Variants in PDE11A observed in about 807,000 individuals in gnomAD.
The protein encoded by PDE11A is phosphodiesterase 11A, also known as dual 3',5'-cyclic-AMP and -GMP phosphodiesterase 11A.
PDE11A carries 100 observed loss-of-function variants against 100.5 expected under a neutral mutation model. The observed-to-expected ratio is 1.00, with a 90% CI of 0.85 to 1.18. PDE11A has a LOEUF of 1.18. Among genes scored for constraint, PDE11A ranks in the 50% most tolerant of loss-of-function variants. PDE11A has a pLI of 0.00. For missense variants in PDE11A, 1,141 were observed against 1,152.6 expected (o/e 0.99, Z 0.15); for synonymous variants, 381 against 420.8 (o/e 0.91, Z 1.16).
chr2:177,669,257 G>A (rs2080636403), intron 18 of PDE11A, among the ~76,000 whole-genome samples: 1 of 152,142 alleles, frequency 6.6e-6, no homozygotes, highest in South Asian at 2.1e-4. Flanking sequence ...CCTCCCTCGT[G>A]CCTACTTGTC....
chr2:177,927,656 T>G (rs558205705), intron 2 of PDE11A, among the ~76,000 whole-genome samples: 1 of 152,264 alleles, frequency 6.6e-6, no homozygotes, highest in African/African-American at 2.4e-5. Flanking sequence ...AAAATAACTG[T>G]TTTAGTAACC....
intron 17 of PDE11A, among the ~76,000 whole-genome samples, chr2:177,670,600 T>C (rs1359971466): frequency 6.6e-6 from 1 of 152,166 alleles, no homozygotes; most frequent in East Asian, 1.9e-4. Flanking sequence ...AACAAATTTT[T>C]CTCTATTCCA....
rs1406620998 is a variant in PDE11A, at chr2:177,996,811, G to A, written c.1071+17491C>T. Among the ~76,000 whole-genome samples the A allele has an allele frequency of 2.0e-5, 3 of 152,074 alleles. No homozygotes were observed. The East Asian group carries it at 5.8e-4, about 29-fold the overall frequency. ...GCAAAACACTAAAACAGAGGAAAGA[G>A]GAAAATCAGTAACTTTTCAAAACTG... On this transcript the variant is annotated intron_variant, in intron 2 of 19. Transcript: ENST00000286063.
At chr2:177,641,620 A>G (rs970314891) in intron 19 of PDE11A, among the ~76,000 whole-genome samples, 4 of 152,100 alleles carry the variant, frequency 2.6e-5, no homozygotes, top group Non-Finnish European at 5.9e-5. Context: ...GTAAAAATTA[A>G]TTTGTATTAA....
At position 177,795,777 on chromosome 2, in the gene PDE11A, T is replaced by G. The variant is rs2082696961; in HGVS notation, c.1737+21052A>C. ...AAACTGGGCTATCCACCACCCTCAG[T>G]GTTTATCATTTTTATGTATTGAGAA... On this transcript the variant is annotated intron_variant, in intron 9 of 19. Transcript: ENST00000286063. Among the ~76,000 whole-genome samples, 6 of 151,482 alleles carry G rather than the reference T, an allele frequency of 4.0e-5. No homozygotes were observed. The South Asian group carries it at 1.3e-3, about 32-fold the overall frequency.
intron 9 of PDE11A, among the ~76,000 whole-genome samples, chr2:177,801,441 T>A (rs148501743): frequency 6.6e-6 from 1 of 152,136 alleles, no homozygotes; most frequent in African/African-American, 2.4e-5. Context: ...AGTGAATGAA[T>A]ATATAGACAA....
rs1043310722 is a variant in PDE11A at position 178,006,829 on chromosome 2, G to C, written c.1071+7473C>G. ...TTCCATTTCTGTCAAAACAAGGGGG[G>C]GGGGGGAAGCCAATGCATTCCAACC... On this transcript the variant is annotated intron_variant, in intron 2 of 19. Transcript: ENST00000286063. Among the ~76,000 whole-genome samples the C allele has an allele frequency of 6.0e-5, 9 of 150,954 alleles. 1 individual carries two copies. The highest frequency in any genetic ancestry group is 3.3e-4 in the Admixed American group (5 of 15,214).
chr2:177,982,103 G>A (rs1393633970), intron 2 of PDE11A, among the ~76,000 whole-genome samples: 3 of 150,990 alleles, frequency 2.0e-5, no homozygotes, highest in East Asian at 1.9e-4. Context: ...TACTAATCAC[G>A]AATGGAAGAG....
At chr2:178,083,535 A>G (rs2087312910) in intron 2 of PDE11A, among the ~76,000 whole-genome samples, 2 of 152,342 alleles carry the variant, frequency 1.3e-5, no homozygotes, top group East Asian at 1.9e-4. Context: ...AGAACTGGCT[A>G]TGTTGGTTTC....
chr2:178,050,732 C>T (rs563417780), intron 1 of PDE11A, among the ~76,000 whole-genome samples: 1 of 152,048 alleles, frequency 6.6e-6, no homozygotes, highest in African/African-American at 2.4e-5. Flanking sequence ...GTAGCCGATT[C>T]GATCAACTGG....
intron 5 of PDE11A, among the ~76,000 whole-genome samples, chr2:177,849,101 G>A (rs2083653551): frequency 6.6e-6 from 1 of 152,156 alleles, no homozygotes; most frequent in South Asian, 2.1e-4. Flanking sequence ...GGACAGGAGT[G>A]AGCCAAATCT....
At chr2:177,709,200 T>C (rs1319100860) in intron 13 of PDE11A, among the ~76,000 whole-genome samples, 64 of 152,302 alleles carry the variant, frequency 4.2e-4, no homozygotes, top group Non-Finnish European at 2.9e-5. Context: ...TGGAACACTA[T>C]TCTAAAAGCC....
intron 4 of PDE11A, among the ~76,000 whole-genome samples, chr2:177,891,514 A>G (rs1358102495): frequency 1.3e-5 from 2 of 152,212 alleles, no homozygotes; most frequent in African/African-American, 4.8e-5. Context: ...AAGAGCCTTT[A>G]CCTACCTAGT....
At chr2:177,750,612 T>C (rs767613022) in intron 10 of PDE11A, among the ~76,000 whole-genome samples, 5 of 152,190 alleles carry the variant, frequency 3.3e-5, no homozygotes, top group Non-Finnish European at 5.9e-5. Context: ...TAGTACACTG[T>C]TATAGAAGCC....
chr2:177,925,844 A>G (rs2105758761), intron 2 of PDE11A, among the ~76,000 whole-genome samples: 1 of 152,374 alleles, frequency 6.6e-6, no homozygotes, highest in South Asian at 2.1e-4. Context: ...ATGGAAGATC[A>G]AATAAAAAAA....
intron 9 of PDE11A, among the ~76,000 whole-genome samples, chr2:177,795,975 A>ATATATATATATC (rs1432005488): frequency 7.3e-6 from 1 of 136,262 alleles, no homozygotes; most frequent in African/African-American, 2.7e-5. Flanking sequence ...ATATATATAT[A>ATATATATATATC]TCTTTGCTTT....
intron 19 of PDE11A, among the ~76,000 whole-genome samples, chr2:177,636,881 T>C (rs1447310769): frequency 6.6e-6 from 1 of 152,178 alleles, no homozygotes; most frequent in East Asian, 1.9e-4. Flanking sequence ...CTCTAAGCAT[T>C]ATCTCGTCTC....
intron 1 of PDE11A, among the ~76,000 whole-genome samples, chr2:178,059,470 T>G (rs1314173792): frequency 1.3e-5 from 2 of 152,158 alleles, no homozygotes; most frequent in African/African-American, 4.8e-5. Flanking sequence ...ATGGGTCGGG[T>G]GGCTGCCTGC....
intron 9 of PDE11A, among the ~76,000 whole-genome samples, chr2:177,811,194 T>C (rs7568068): frequency 0.41 from 61,612 of 151,870 alleles, 14,326 homozygotes; most frequent in African/African-American, 0.64. Flanking sequence ...AAAAGGTTCC[T>C]CCTTTTACCT....
Sources: allele counts gnomAD v4.1 joint callset (sites outside exome capture counted in the v4.1 genomes callset), GRCh38; gene constraint gnomAD v4.1.1; transcripts MANE v1.5; gene names NCBI Gene and HGNC (gene_info 2026-07-23, HGNC 2026-07-21).